Variants in NR2F1-AS1 observed in about 807,000 individuals in gnomAD.
The protein encoded by NR2F1-AS1 is NR2F1 regulatory antisense RNA 1.
intron 4 of NR2F1-AS1, among the ~76,000 whole-genome samples, chr5:93,432,084 C>G (rs899726214): frequency 2.6e-5 from 4 of 152,150 alleles, no homozygotes; most frequent in Non-Finnish European, 5.9e-5. Context: ...TACTACTTGA[C>G]AAAATAAAAA....
intron 4 of NR2F1-AS1, among the ~76,000 whole-genome samples, chr5:93,449,578 A>G (rs1295122745): frequency 6.6e-6 from 1 of 152,218 alleles, no homozygotes; most frequent in Non-Finnish European, 1.5e-5. Context: ...ATAACAAAGT[A>G]TTATGATTAT....
intron 4 of NR2F1-AS1, among the ~76,000 whole-genome samples, chr5:93,474,448 G>T (rs921137139): frequency 5.3e-5 from 8 of 152,094 alleles, no homozygotes; most frequent in Non-Finnish European, 1.0e-4. Context: ...GAATGTCTTA[G>T]TCCATTCAGG....
At chr5:93,458,708 G>A (rs996124711) in intron 4 of NR2F1-AS1, among the ~76,000 whole-genome samples, 3 of 152,108 alleles carry the variant, frequency 2.0e-5, no homozygotes, top group Admixed American at 6.5e-5. Flanking sequence ...TCAAAAAACC[G>A]TTAAGAAAAC....
chr5:93,471,845 G>A (rs923623193), intron 4 of NR2F1-AS1, among the ~76,000 whole-genome samples: 22 of 151,890 alleles, frequency 1.4e-4, no homozygotes, highest in Admixed American at 1.3e-3. Flanking sequence ...CAAATTAGGA[G>A]AGCATTTATG....
intron 4 of NR2F1-AS1, among the ~76,000 whole-genome samples, chr5:93,481,455 A>G (rs1399451886): frequency 6.6e-6 from 1 of 152,106 alleles, no homozygotes; most frequent in Non-Finnish European, 1.5e-5. Flanking sequence ...GAAACTCTAG[A>G]ATAATAGTTG....
chr5:93,429,397 A>G (rs1749263892), intron 4 of NR2F1-AS1, among the ~76,000 whole-genome samples: 1 of 152,202 alleles, frequency 6.6e-6, no homozygotes, highest in South Asian at 2.1e-4. Flanking sequence ...CCATATTTGC[A>G]CAGCTTACAA....
intron 4 of NR2F1-AS1, among the ~76,000 whole-genome samples, chr5:93,533,747 A>C (rs1372955893): frequency 6.6e-6 from 1 of 152,194 alleles, no homozygotes. Flanking sequence ...AGAGGAAGGT[A>C]AGGCTTAAAG....
intron 1 of NR2F1-AS1, among the ~76,000 whole-genome samples, chr5:93,578,770 G>A (rs1752953697): frequency 6.6e-6 from 1 of 152,188 alleles, no homozygotes; most frequent in African/African-American, 2.4e-5. Context: ...GAGCGTGCCT[G>A]GACAAGTATG....
At position 93,463,717 on chromosome 5, in the gene NR2F1-AS1, G is replaced by C. The variant is rs1304444027; in HGVS notation, n.639-68175C>G. On this transcript the variant is annotated intron_variant and non_coding_transcript_variant, in intron 4 of 5. Coordinates refer to ENST00000660523, the Ensembl canonical transcript of NR2F1-AS1. ...TCAGCATGACCTGAATGCAAGACATGGAGTCAAAGGAGATCATTTTGGAGC... is the reference window on the plus strand; with the variant it reads ...TCAGCATGACCTGAATGCAAGACATCGAGTCAAAGGAGATCATTTTGGAGC... Among the ~76,000 whole-genome samples, 5 of 152,304 alleles carry C rather than the reference G, an allele frequency of 3.3e-5. No individual in the cohort carries two copies. In the South Asian group the frequency reaches 8.3e-4, roughly 25 times the overall value.
At chr5:93,511,162 T>C (rs1751287120) in intron 4 of NR2F1-AS1, among the ~76,000 whole-genome samples, 1 of 152,176 alleles carries the variant, frequency 6.6e-6, no homozygotes, top group African/African-American at 2.4e-5. Flanking sequence ...TAGATGAGAT[T>C]AGCATTTGAA....
At chr5:93,567,226 C>A (rs1036787639) in intron 1 of NR2F1-AS1, among the ~76,000 whole-genome samples, 3 of 151,106 alleles carry the variant, frequency 2.0e-5, no homozygotes, top group Non-Finnish European at 1.5e-5. Flanking sequence ...TAGACAACAC[C>A]TTTTTTTTTC....
intron 4 of NR2F1-AS1, among the ~76,000 whole-genome samples, chr5:93,526,026 T>A (rs760897077): frequency 6.6e-6 from 1 of 151,612 alleles, no homozygotes; most frequent in Non-Finnish European, 1.5e-5. Flanking sequence ...CTGAAGGAGA[T>A]AGACACAAAA....
At chr5:93,532,138 T>A (rs777134975) in intron 4 of NR2F1-AS1, among the ~76,000 whole-genome samples, 65 of 152,138 alleles carry the variant, frequency 4.3e-4, no homozygotes, top group Non-Finnish European at 7.1e-4. Flanking sequence ...ATACATTGCC[T>A]CCTCAAAAAG....
chr5:93,446,684 C>A (rs1473034182), intron 4 of NR2F1-AS1, among the ~76,000 whole-genome samples: 3 of 152,158 alleles, frequency 2.0e-5, no homozygotes, highest in South Asian at 2.1e-4. Flanking sequence ...ACTTTCTTCA[C>A]AGAATTGGAA....
At chr5:93,474,851 G>A (rs751387379) in intron 4 of NR2F1-AS1, among the ~76,000 whole-genome samples, 22 of 152,282 alleles carry the variant, frequency 1.4e-4, no homozygotes, top group Non-Finnish European at 2.6e-4. Context: ...CCGGCCAGGT[G>A]CGGTGGCTCA....
intron 4 of NR2F1-AS1, among the ~76,000 whole-genome samples, chr5:93,529,785 G>C (rs968593918): frequency 3.3e-5 from 5 of 152,056 alleles, no homozygotes; most frequent in African/African-American, 1.2e-4. Context: ...GCTATTTTCT[G>C]TAACTATTTT....
chr5:93,483,425 A>G (rs188349549), intron 4 of NR2F1-AS1, among the ~76,000 whole-genome samples: 3 of 152,304 alleles, frequency 2.0e-5, no homozygotes, highest in Admixed American at 2.0e-4. Context: ...GGATGTCCAC[A>G]CAGAAACCCC....
chr5:93,536,139 T>C (rs1430157066), intron 4 of NR2F1-AS1, among the ~76,000 whole-genome samples: 2 of 152,136 alleles, frequency 1.3e-5, no homozygotes, highest in African/African-American at 2.4e-5. Context: ...ATAATTTCTA[T>C]ATGCTAATAG....
chr5:93,429,801 C>T (rs998338201), intron 4 of NR2F1-AS1, among the ~76,000 whole-genome samples: 2 of 152,198 alleles, frequency 1.3e-5, no homozygotes, highest in Non-Finnish European at 2.9e-5. Flanking sequence ...TTTCTATCAT[C>T]TCTGTTCCAT....
Sources: gnomAD v4.1 joint callset for allele counts (sites outside exome capture counted in the v4.1 genomes callset) on GRCh38, gnomAD v4.1.1 for gene constraint, MANE v1.5 for transcripts, NCBI Gene and HGNC (gene_info 2026-07-23, HGNC 2026-07-21) for gene names.